The following TBXAS1 variants were observed in gnomAD, a reference collection of about 807,000 sequenced individuals.
TBXAS1 encodes thromboxane-A synthase.
A neutral mutation model predicts 60.7 loss-of-function variants in TBXAS1; 48 were observed. The ratio of observed to expected loss-of-function variants is 0.79; its 90% confidence interval spans 0.63 to 1.01. The LOEUF (loss-of-function observed/expected upper bound fraction) is 1.01. Among genes scored for constraint, TBXAS1 ranks in the 50% least tolerant of loss-of-function variants. TBXAS1 has a pLI of 0.00. For missense variants in TBXAS1, 685 were observed against 686.3 expected, an observed-to-expected ratio of 1.00 and a Z score of 0.02; for synonymous variants, 287 against 269.7, an observed-to-expected ratio of 1.06 and a Z score of -0.63.
chr7:139,996,200 C>T (rs1239472495), intron 9 of TBXAS1, among the ~76,000 whole-genome samples: 1 of 151,474 alleles, frequency 6.6e-6, no homozygotes, highest in Non-Finnish European at 1.5e-5. Flanking sequence ...CTCCTGGCCT[C>T]AAGCAATCCT....
At chr7:139,943,026 G>T (rs1184604799) in intron 5 of TBXAS1, among the ~76,000 whole-genome samples, 1 of 152,184 alleles carries the variant, frequency 6.6e-6, no homozygotes, top group Admixed American at 6.5e-5. Context: ...TCACAGTTTA[G>T]TTTGGCCTTT....
intron 1 of TBXAS1, among the ~76,000 whole-genome samples, chr7:139,850,122 A>T (rs1226546666): frequency 6.6e-6 from 1 of 152,212 alleles, no homozygotes; most frequent in Non-Finnish European, 1.5e-5. Context: ...TCGTGAATTT[A>T]ACTTGAGTTC....
In TBXAS1 at chr7:139,872,603, G is replaced by A. The variant is rs147190197; in HGVS notation, c.183+275G>A. ...CAGGAGGTGGAGGTTGCACTGAGCC[G>A]AGATTGCACCATTGCACTTTAGCCT... On this transcript the variant is annotated intron_variant, in intron 2 of 12. Coordinates refer to ENST00000448866, the MANE Select transcript of TBXAS1 (RefSeq NM_001061.7). Among the ~76,000 whole-genome samples the A allele has an allele frequency of 2.5e-3, 374 of 152,280 alleles. 13 individuals are homozygous for A. In the East Asian group the frequency reaches 0.062, roughly 25 times the overall value.
At chr7:139,931,640 A>C (rs943861138) in intron 4 of TBXAS1, among the ~76,000 whole-genome samples, 1 of 152,116 alleles carries the variant, frequency 6.6e-6, no homozygotes, top group Non-Finnish European at 1.5e-5. Flanking sequence ...AAACCATCAG[A>C]TCTTGTAAGA....
rs188515567 is a variant in TBXAS1, at chr7:139,881,957, T to A, written c.236+6320T>A. Among the ~76,000 whole-genome samples, 13 of 152,314 alleles carry A rather than the reference T, an allele frequency of 8.5e-5. No homozygotes were observed. In the East Asian group the frequency reaches 2.5e-3, roughly 29 times the overall value. The stretch of plus-strand genomic sequence containing the variant: ...ACTTTGGGATACATAAGGAAAAGCA[T>A]GTGGCATCAGCAATCAAAATAACAA... On this transcript the variant is annotated intron_variant, in intron 3 of 12. Transcript: ENST00000448866.
intron 4 of TBXAS1, among the ~76,000 whole-genome samples, chr7:139,808,144 C>A (rs1187911474): frequency 1.3e-5 from 2 of 150,256 alleles, no homozygotes; most frequent in South Asian, 2.1e-4. Context: ...CCAGCCTAGG[C>A]AACATGGCAA....
intron 1 of TBXAS1, among the ~76,000 whole-genome samples, chr7:139,847,469 C>A (rs2116622531): frequency 6.6e-6 from 1 of 152,262 alleles, no homozygotes; most frequent in East Asian, 1.9e-4. Flanking sequence ...GCAAATGTTT[C>A]TTTGCAGGTT....
intron 3 of TBXAS1, among the ~76,000 whole-genome samples, chr7:139,907,416 G>T (rs865906926): frequency 2.0e-5 from 3 of 152,218 alleles, no homozygotes; most frequent in African/African-American, 4.8e-5. Context: ...TATAGTGCTA[G>T]ATTTGATTTG....
At chr7:139,914,029 CTTT>C (rs1248707719) in intron 4 of TBXAS1, 5 of 137,610 alleles carry the variant, frequency 3.6e-5, no homozygotes, top group Non-Finnish European at 6.3e-5. Context: ...GAGCACATAT[CTTT>C]TTTTTTTTTT....
chr7:139,824,404 C>T (rs1448291053), upstream of TBXAS1, among the ~76,000 whole-genome samples: 2 of 152,180 alleles, frequency 1.3e-5, no homozygotes, highest in Admixed American at 6.5e-5. Flanking sequence ...TTAAGAATGT[C>T]GCTTGAGATA....
intron 4 of TBXAS1, among the ~76,000 whole-genome samples, chr7:139,923,513 A>G (rs1207874736): frequency 6.6e-6 from 1 of 151,422 alleles, no homozygotes; most frequent in African/African-American, 2.4e-5. Context: ...ATATTTTGAT[A>G]CATGCATGTA....
chr7:139,954,815 T>C (rs1460447360), intron 6 of TBXAS1, among the ~76,000 whole-genome samples: 1 of 152,326 alleles, frequency 6.6e-6, no homozygotes, highest in East Asian at 1.9e-4. Flanking sequence ...TAAAGCACAA[T>C]GTATGTTTTC....
At chr7:139,797,877 A>G (rs1212219880) in intron 4 of TBXAS1, among the ~76,000 whole-genome samples, 1 of 152,208 alleles carries the variant, frequency 6.6e-6, no homozygotes, top group Admixed American at 6.5e-5. Context: ...ATTTGATTCC[A>G]TGCATTACCT....
intron 1 of TBXAS1, among the ~76,000 whole-genome samples, chr7:139,849,257 T>G (rs1284984770): frequency 6.6e-6 from 1 of 151,862 alleles, no homozygotes; most frequent in Non-Finnish European, 1.5e-5. Flanking sequence ...CATGCATCTG[T>G]GGTCCCAGCT....
chr7:139,780,467 T>C lies in TBXAS1; in HGVS notation c.-317-273T>C, dbSNP rs552387927. Among the ~76,000 whole-genome samples the C allele has an allele frequency of 2.6e-5, 4 of 152,352 alleles. No homozygotes were observed. In the South Asian group the frequency reaches 8.3e-4, roughly 32 times the overall value. ...TGTTTTGGATTGTATGTCCAATAAC[T>C]GCATTGCCTAACGCATGGTGAGTAC... On this transcript the variant is annotated intron_variant, in intron 1 of 16. Coordinates refer to the TBXAS1 transcript ENST00000336425.
At chr7:139,907,169 G>A (rs1805169802) in intron 3 of TBXAS1, among the ~76,000 whole-genome samples, 2 of 152,098 alleles carry the variant, frequency 1.3e-5, no homozygotes, top group African/African-American at 4.8e-5. Context: ...TTAGCTGTAA[G>A]GTTTTTGTAG....
intron 5 of TBXAS1, 67 bp from the exon 6 acceptor site, chr7:139,953,301 A>C: frequency 7.5e-7 from 1 of 1,340,172 alleles, no homozygotes; most frequent in Non-Finnish European, 1.1e-6. Context: ...TAACCTCTTC[A>C]TCTGCAGCCA....
intron 9 of TBXAS1, among the ~76,000 whole-genome samples, chr7:139,984,874 GAAAGA>G (rs1379492588): frequency 1.5e-5 from 2 of 135,712 alleles, no homozygotes; most frequent in Non-Finnish European, 3.2e-5. Context: ...GAAAGAGAAA[GAAAGA>G]AAAGAAAGAA....
Position 140,008,058 on chromosome 7 carries a change from G to A in TBXAS1, c.1226+876G>A, listed in dbSNP as rs978694865. On this transcript the variant is annotated intron_variant, in intron 10 of 12. Transcript: ENST00000448866. Reference sequence around the variant, plus strand: ...ACAGAAGCAGCACAAAGCATTAACCGTATGTGATAAATTCCACTCAACACT... The same window carrying A: ...ACAGAAGCAGCACAAAGCATTAACCATATGTGATAAATTCCACTCAACACT... 3.9e-5 allele frequency among the ~76,000 whole-genome samples: 6 copies of A among 152,118 alleles called. No individual in the cohort carries two copies. In the East Asian group the frequency reaches 9.6e-4, roughly 24 times the overall value.
Sources: gnomAD v4.1 joint callset for allele counts (sites outside exome capture counted in the v4.1 genomes callset) on GRCh38, gnomAD v4.1.1 for gene constraint, MANE v1.5 for transcripts, NCBI Gene and HGNC (gene_info 2026-07-23, HGNC 2026-07-21) for gene names.